Variants in GABRG3 observed in about 807,000 individuals in gnomAD.
GABRG3 encodes the protein gamma-aminobutyric acid receptor subunit gamma-3.
GABRG3 carries 25 observed loss-of-function variants against 48.8 expected under a neutral mutation model. That is an observed-to-expected ratio of 0.51 (90% confidence interval 0.37 to 0.72). GABRG3 has a LOEUF of 0.72. GABRG3 is among the 30% of genes least tolerant of loss of function. GABRG3 has a pLI of 0.00. For synonymous variants in GABRG3, 227 were observed against 217.6 expected (o/e 1.04, Z -0.38); for missense variants, 394 against 577.9 (o/e 0.68, Z 3.26).
chr15:27,488,644 A>G (rs1018484204), intron 6 of GABRG3, among the ~76,000 whole-genome samples: 3 of 152,224 alleles, frequency 2.0e-5, no homozygotes, highest in African/African-American at 4.8e-5. Flanking sequence ...TAATTAGCTC[A>G]AAGAAAGTAC....
At chr15:27,076,409 C>T (rs1227230034) in intron 3 of GABRG3, among the ~76,000 whole-genome samples, 2 of 151,122 alleles carry the variant, frequency 1.3e-5, no homozygotes, top group Non-Finnish European at 2.9e-5. Flanking sequence ...CTGCAACCTC[C>T]ACCTCCTGGG....
chr15:27,516,371 A>T (rs117345819), intron 6 of GABRG3, among the ~76,000 whole-genome samples: 1 of 152,310 alleles, frequency 6.6e-6, no homozygotes, highest in Non-Finnish European at 1.5e-5. Flanking sequence ...AAATTTGTAC[A>T]CTTACTTCCT....
At chr15:27,295,595 C>A (rs1891955768) in intron 3 of GABRG3, among the ~76,000 whole-genome samples, 1 of 152,156 alleles carries the variant, frequency 6.6e-6, no homozygotes. Flanking sequence ...TAGGGCCATG[C>A]TATTTTAAGA....
intron 6 of GABRG3, 46 bp downstream of exon 6, chr15:27,480,833 C>T (rs181117003): frequency 2.0e-5 from 32 of 1,606,744 alleles, no homozygotes; most frequent in Admixed American, 1.9e-4. Context: ...GCCAGAGAGG[C>T]CTAAGGCCAT....
Position 27,242,667 on chromosome 15 carries a change from G to A in GABRG3, c.271-84142G>A, listed in dbSNP as rs376171494. 3.1e-3 allele frequency among the ~76,000 whole-genome samples: 468 copies of A among 152,312 alleles called. 2 individuals carry two copies. Among genetic ancestry groups the A allele is most frequent in the African/African-American group, 0.011 (447 of 41,564 alleles). ...TCTATTCAGTTGAAACTGAGAGTAG[G>A]TATGTGTTAAGTCTTGATTTGACAG... On this transcript the variant is annotated intron_variant, in intron 3 of 9. Coordinates refer to ENST00000615808, the MANE Select transcript of GABRG3 (RefSeq NM_033223.5).
rs117845105 is a variant in GABRG3, at chr15:27,051,497, G to A, written c.270+24676G>A. On this transcript the variant is annotated intron_variant, in intron 3 of 9. Coordinates refer to ENST00000615808, the MANE Select transcript of GABRG3 (RefSeq NM_033223.5). The stretch of plus-strand genomic sequence containing the variant: ...GGTGATATTAGGAGGTGTGTCCTTT[G>A]GGAAGGGGATTAAGTCATGAGGGTG... Among the ~76,000 whole-genome samples the A allele has an allele frequency of 4.3e-3, 655 of 152,270 alleles. 4 individuals carry two copies. The highest frequency in any genetic ancestry group is 0.015 in the South Asian group (72 of 4,818).
At chr15:27,241,693 C>T (rs1479261184) in intron 3 of GABRG3, among the ~76,000 whole-genome samples, 1 of 152,212 alleles carries the variant, frequency 6.6e-6, no homozygotes, top group African/African-American at 2.4e-5. Flanking sequence ...TATTCTAGTG[C>T]ATAGTTAGTA....
intron 5 of GABRG3, among the ~76,000 whole-genome samples, chr15:27,370,030 G>A (rs4131245): frequency 0.14 from 21,561 of 151,850 alleles, 1,887 homozygotes; most frequent in African/African-American, 0.25. Flanking sequence ...CTTTTAGCAC[G>A]CTCTAATCAA....
chr15:27,198,296 T>C (rs540299897), intron 3 of GABRG3, among the ~76,000 whole-genome samples: 1 of 152,134 alleles, frequency 6.6e-6, no homozygotes, highest in South Asian at 2.1e-4. Flanking sequence ...CTTAAACAAA[T>C]TTACAAGAAA....
intron 5 of GABRG3, among the ~76,000 whole-genome samples, chr15:27,414,231 C>T (rs1256656450): frequency 6.6e-6 from 1 of 152,174 alleles, no homozygotes; most frequent in Non-Finnish European, 1.5e-5. Flanking sequence ...TTCATGTTAT[C>T]TTTCTGGTTC....
In GABRG3 at chr15:27,198,514, G is replaced by A. The variant is rs141869879; in HGVS notation, c.271-128295G>A. ...GGAAATAATAGATGCTGGAGAGGAT[G>A]TGGAGAAATAGGAATGCTTTTACAC... is the stretch of plus-strand genomic sequence containing the variant. On this transcript the variant is annotated intron_variant, in intron 3 of 9. Transcript: ENST00000615808. Among the ~76,000 whole-genome samples, 898 of 152,322 alleles carry A rather than the reference G, an allele frequency of 5.9e-3. 8 individuals are homozygous for A. Among genetic ancestry groups the A allele is most frequent in the African/African-American group, 0.021 (865 of 41,556 alleles).
chr15:27,197,009 G>A (rs1200282580), intron 3 of GABRG3, among the ~76,000 whole-genome samples: 1 of 152,194 alleles, frequency 6.6e-6, no homozygotes, highest in African/African-American at 2.4e-5. Flanking sequence ...AGTAATAAAA[G>A]GCGGATGTCA....
chr15:27,246,360 C>T (rs1215801458), intron 3 of GABRG3, among the ~76,000 whole-genome samples: 1 of 152,122 alleles, frequency 6.6e-6, no homozygotes, highest in Non-Finnish European at 1.5e-5. Flanking sequence ...GAGAATGTTG[C>T]TGAATCATGT....
chr15:27,234,017 G>A (rs1410420085), intron 3 of GABRG3, among the ~76,000 whole-genome samples: 1 of 152,180 alleles, frequency 6.6e-6, no homozygotes, highest in Non-Finnish European at 1.5e-5. Flanking sequence ...ACCTATGGGA[G>A]AGGGAGCTTT....
chr15:27,057,975 T>C (rs867074537), intron 3 of GABRG3, among the ~76,000 whole-genome samples: 1 of 152,284 alleles, frequency 6.6e-6, no homozygotes, highest in South Asian at 2.1e-4. Flanking sequence ...GCATTCTCCA[T>C]CCACTGGGAG....
At chr15:27,194,585 A>G (rs1037147353) in intron 3 of GABRG3, among the ~76,000 whole-genome samples, 11 of 152,162 alleles carry the variant, frequency 7.2e-5, no homozygotes, top group Admixed American at 2.0e-4. Flanking sequence ...TATATTGTCC[A>G]ATTTCCTTCT....
intron 3 of GABRG3, among the ~76,000 whole-genome samples, chr15:27,102,337 A>G (rs2140365639): frequency 6.6e-6 from 1 of 152,360 alleles, no homozygotes; most frequent in South Asian, 2.1e-4. Context: ...ATGACTAATC[A>G]GAATTTCCAC....
At chr15:27,091,578 A>C (rs1319828591) in intron 3 of GABRG3, among the ~76,000 whole-genome samples, 1 of 152,162 alleles carries the variant, frequency 6.6e-6, no homozygotes, top group Non-Finnish European at 1.5e-5. Flanking sequence ...TTCCCAGAAA[A>C]GCTATCTGAT....
At chr15:27,470,272 G>A (rs914046699) in intron 5 of GABRG3, among the ~76,000 whole-genome samples, 3 of 144,862 alleles carry the variant, frequency 2.1e-5, no homozygotes, top group African/African-American at 7.7e-5. Context: ...GCGGAGTCTC[G>A]CTCTGTAATG....
Sources: gnomAD v4.1 joint callset for allele counts (sites outside exome capture counted in the v4.1 genomes callset) on GRCh38, gnomAD v4.1.1 for gene constraint, MANE v1.5 for transcripts, NCBI Gene and HGNC (gene_info 2026-07-23, HGNC 2026-07-21) for gene names.